The following DNAJC5B variants were observed in gnomAD, a reference collection of about 807,000 sequenced individuals.
The protein encoded by DNAJC5B is DnaJ heat shock protein family (Hsp40) member C5 beta.
In DNAJC5B, 23 loss-of-function variants were observed where a neutral mutation model predicts 24.7. The observed-to-expected ratio is 0.93, with a 90% CI of 0.67 to 1.32. DNAJC5B has a LOEUF of 1.32. Among genes scored for constraint, DNAJC5B ranks in the 40% most tolerant of loss-of-function variants. The probability of loss-of-function intolerance (pLI) is 0.00; values close to 1 mark genes in which losing one functional copy is unlikely to be tolerated. For synonymous variants in DNAJC5B, 101 were observed against 90.1 expected (o/e 1.12, Z -0.68); for missense variants, 238 against 240.8 (o/e 0.99, Z 0.08).
intron 5 of DNAJC5B, among the ~76,000 whole-genome samples, chr8:66,086,487 A>T (rs1456203058): frequency 1.3e-5 from 2 of 152,186 alleles, no homozygotes; most frequent in Non-Finnish European, 2.9e-5. Context: ...TGCCAACAGA[A>T]ATTTTTCTTT....
chr8:66,066,699 A>G (rs1175901596), intron 3 of DNAJC5B, among the ~76,000 whole-genome samples: 1 of 152,130 alleles, frequency 6.6e-6, no homozygotes, highest in Non-Finnish European at 1.5e-5. Context: ...ACAGGGTGAC[A>G]TAAGGGACTT....
chr8:66,028,510 A>G (rs2128955951), intron 1 of DNAJC5B, among the ~76,000 whole-genome samples: 1 of 152,246 alleles, frequency 6.6e-6, no homozygotes, highest in South Asian at 2.1e-4. Context: ...ACATGTTCCA[A>G]AACTAATTCA....
At chr8:66,048,420 A>G (rs908559833) in intron 2 of DNAJC5B, among the ~76,000 whole-genome samples, 3 of 152,134 alleles carry the variant, frequency 2.0e-5, no homozygotes, top group African/African-American at 4.8e-5. Flanking sequence ...GCCTCTCCCT[A>G]TGAAACGGTT....
At chr8:66,033,340 C>G (rs1376546876) in intron 1 of DNAJC5B, among the ~76,000 whole-genome samples, 1 of 152,248 alleles carries the variant, frequency 6.6e-6, no homozygotes, top group African/African-American at 2.4e-5. Context: ...AGCAGATCCC[C>G]TCTGGTGTGC....
At chr8:66,047,224 C>A (rs1199419485) in intron 2 of DNAJC5B, among the ~76,000 whole-genome samples, 1 of 152,198 alleles carries the variant, frequency 6.6e-6, no homozygotes, top group Non-Finnish European at 1.5e-5. Flanking sequence ...TCAAGAGCAA[C>A]CGTTTGGCCA....
intron 5 of DNAJC5B, among the ~76,000 whole-genome samples, chr8:66,093,298 C>G (rs190269673): frequency 2.0e-5 from 3 of 152,252 alleles, no homozygotes; most frequent in Admixed American, 2.0e-4. Context: ...ACTTGTACAA[C>G]TTATTAGGTA....
chr8:66,049,807 C>T lies in DNAJC5B; in HGVS notation c.-17-1724C>T, dbSNP rs1376451439. Among the ~76,000 whole-genome samples the T allele has an allele frequency of 2.6e-5, 4 of 152,110 alleles. No individual in the cohort carries two copies. The East Asian group carries it at 7.7e-4, about 29-fold the overall frequency. On this transcript the variant is annotated intron_variant, in intron 2 of 5. Coordinates refer to ENST00000276570, the MANE Select transcript of DNAJC5B (RefSeq NM_033105.6). ...ATCAAAGTGAGTGAGTCATAGAGCA[C>T]GATGCTCACAAGCATGAAAATTATG...
At position 66,054,281 on chromosome 8, in the gene DNAJC5B, T is replaced by C. The variant is rs188483084; in HGVS notation, c.119+2615T>C. ...AGTGCTTTTTCTTACTGTACAGAAGTTTAAAATTAGGCAAATTTGTTAGTC... is the reference window on the plus strand; with the variant it reads ...AGTGCTTTTTCTTACTGTACAGAAGCTTAAAATTAGGCAAATTTGTTAGTC... On this transcript the variant is annotated intron_variant, in intron 3 of 5. Transcript: ENST00000276570. Among the ~76,000 whole-genome samples, 129 of 152,314 alleles carry C rather than the reference T, an allele frequency of 8.5e-4. No homozygotes were observed. In the Middle Eastern group the frequency reaches 0.01, roughly 12 times the overall value.
intron 2 of DNAJC5B, among the ~76,000 whole-genome samples, chr8:66,049,297 T>G (rs186606222): frequency 1.1e-4 from 17 of 152,376 alleles, no homozygotes; most frequent in African/African-American, 3.4e-4. Flanking sequence ...GCCTGTTATA[T>G]AAAAGTGTAC....
intron 1 of DNAJC5B, among the ~76,000 whole-genome samples, chr8:66,022,494 C>A (rs1806156724): frequency 6.6e-6 from 1 of 152,156 alleles, no homozygotes; most frequent in Admixed American, 6.5e-5. Context: ...GCTCTGCCTG[C>A]AAGGTCAGAG....
intron 1 of DNAJC5B, among the ~76,000 whole-genome samples, chr8:66,029,863 G>A (rs1297517137): frequency 6.6e-6 from 1 of 152,088 alleles, no homozygotes; most frequent in Non-Finnish European, 1.5e-5. Context: ...TGAAACTTTT[G>A]ACAGTGAGGG....
chr8:66,085,977 C>T (rs190873892), intron 5 of DNAJC5B, among the ~76,000 whole-genome samples: 5 of 152,100 alleles, frequency 3.3e-5, no homozygotes, highest in Admixed American at 3.3e-4. Flanking sequence ...CTTTCATGAA[C>T]ATTTTGTAGT....
chr8:66,099,203 C>T (rs1268903827), intron 5 of DNAJC5B, among the ~76,000 whole-genome samples: 1 of 151,960 alleles, frequency 6.6e-6, no homozygotes. Context: ...TGCACTGGAC[C>T]TCTTTAAACT....
At chr8:66,079,607 C>T (rs1188966618) in intron 4 of DNAJC5B, among the ~76,000 whole-genome samples, 1 of 152,190 alleles carries the variant, frequency 6.6e-6, no homozygotes, top group East Asian at 1.9e-4. Context: ...AAGAACAGGG[C>T]TGTGCTGGTG....
chr8:66,090,260 T>A (rs1030011873), intron 5 of DNAJC5B, among the ~76,000 whole-genome samples: 3 of 151,438 alleles, frequency 2.0e-5, no homozygotes, highest in African/African-American at 7.3e-5. Context: ...CATGTGTGTG[T>A]GTGTGTGTGT....
At chr8:66,023,870 C>T (rs10092425) in intron 1 of DNAJC5B, among the ~76,000 whole-genome samples, 6,066 of 152,204 alleles carry the variant, frequency 0.04, 273 homozygotes, top group African/African-American at 0.11. Flanking sequence ...GTCTTGCATC[C>T]GTAATTAATC....
intron 3 of DNAJC5B, among the ~76,000 whole-genome samples, chr8:66,055,954 A>T (rs1184114762): frequency 6.6e-6 from 1 of 152,152 alleles, no homozygotes; most frequent in African/African-American, 2.4e-5. Flanking sequence ...GTCTTGGAAT[A>T]AATAAATAAA....
intron 5 of DNAJC5B, among the ~76,000 whole-genome samples, chr8:66,094,535 A>G (rs1422243365): frequency 6.6e-6 from 1 of 152,042 alleles, no homozygotes; most frequent in Non-Finnish European, 1.5e-5. Context: ...TTACCTGTAA[A>G]TTCTTTAGGG....
intron 5 of DNAJC5B, among the ~76,000 whole-genome samples, chr8:66,090,251 A>ATGTGTGTGTGTG: frequency 6.9e-6 from 1 of 145,322 alleles, no homozygotes; most frequent in Non-Finnish European, 1.5e-5. Flanking sequence ...GCGTGCAGGC[A>ATGTGTGTGTGTG]TGTGTGTGTG....
Sources: allele counts gnomAD v4.1 joint callset (sites outside exome capture counted in the v4.1 genomes callset), GRCh38; gene constraint gnomAD v4.1.1; transcripts MANE v1.5; gene names NCBI Gene and HGNC (gene_info 2026-07-23, HGNC 2026-07-21).